Variants in POLE observed in about 807,000 individuals in gnomAD.
The protein encoded by POLE is DNA polymerase epsilon catalytic subunit A.
POLE carries 188 observed loss-of-function variants against 279.2 expected under a neutral mutation model. The observed-to-expected ratio is 0.67, with a 90% CI of 0.60 to 0.76. POLE has a LOEUF of 0.76. POLE is among the 30% of genes least tolerant of loss of function. The pLI is 0.00. For synonymous variants in POLE, 1,214 were observed against 1,172.5 expected (o/e 1.04, Z -0.72); for missense variants, 2,703 against 3,016.7 (o/e 0.90, Z 2.44).
At chr12:132,676,452 A>T (rs2043053345) in intron 9 of POLE, 94 bp downstream of exon 9, 1 of 863,418 alleles carries the variant, frequency 1.2e-6, no homozygotes, top group African/African-American at 1.7e-5. Flanking sequence ...TATTCACTCA[A>T]CAAATACTAA....
rs878854885 is a variant in POLE at position 132,634,359 on chromosome 12, CCT to C, written c.5829_5830del (p.Gly1945SerfsTer4). The C allele has an allele frequency of 1.9e-6, 3 of 1,613,548 alleles. No homozygotes were observed. The highest frequency in any genetic ancestry group is 2.2e-5 in the East Asian group (1 of 44,864). ...ATTTTCCTGCTCATCCTCTGCTCCC[CCT>C]GCTTTCTGGGAGTCTTGCTGTAACA... On this transcript the variant is annotated frameshift_variant, in exon 43 of 49. Transcript: ENST00000320574. LOFTEE classifies it high-confidence loss of function. The surrounding 1 kb of genome is among the most constrained non-coding windows in gnomAD (Gnocchi z 4.0).
rs1555301216 is a variant in POLE, at chr12:132,626,207, G to A, written c.6441C>T (p.Pro2147=). ...EFSEEAQFRD[P]CRSYVLPEVI... The stretch of plus-strand genomic sequence containing the variant: ...CCTCAGGAAGCACGTAGGAGCGGCA[G>A]GGGTCTCGGAACTGGGCCTCCTCGG... The change falls in exon 46 of 49, where the codon CCC becomes CCT. Residue 2147 remains proline, a synonymous_variant. Transcript: ENST00000320574. 6.2e-7 allele frequency: 1 copy of A among 1,613,850 alleles called. No individual in the cohort carries two copies. The highest frequency in any genetic ancestry group is 8.5e-7 in the Non-Finnish European group (1 of 1,179,990).
In POLE at chr12:132,642,635, A is replaced by G. The variant is rs1255478620; in HGVS notation, c.4823T>C (p.Leu1608Pro). 1 of 1,613,292 alleles carries G rather than the reference A, an allele frequency of 6.2e-7. No individual in the cohort carries two copies. Among genetic ancestry groups the G allele is most frequent in the African/African-American group, 1.3e-5 (1 of 74,942 alleles). Residue 1608 changes from leucine to proline, a missense_variant, in exon 37 of 49, where the codon CTG (leucine) becomes CCG (proline). This residue lies in a region of POLE where 1,551 missense variants were observed against 1,686.1 expected (regional missense o/e 0.92). Coordinates refer to ENST00000320574, the MANE Select transcript of POLE (RefSeq NM_006231.4). ...SEIPVLEEFP[L>P]VPICVADKIN... ...CTTGTCAGCCACACAGATAGGCACC[A>G]GTGGGAATTCCTCCAAGACAGGAAT...
In POLE at chr12:132,648,989, G is replaced by A. The variant is rs986065770; in HGVS notation, c.4089C>T (p.Pro1363=). 1 of 1,614,100 alleles carries A rather than the reference G, an allele frequency of 6.2e-7. No homozygotes were observed. The highest frequency in any genetic ancestry group is 2.2e-5 in the East Asian group (1 of 44,888). The change falls in exon 32 of 49, where the codon CCC becomes CCT. Residue 1363 remains proline, a synonymous_variant. Transcript: ENST00000320574. ...CTCGCTGGTTCACGTAGAACACACG[G>A]GGGATGCTCAGCCTGATGCAGTGCA... ...SDLHCIRLSI[P]RVFYVNQRVA...
chr12:132,655,554 T>C (rs2042514217), intron 29 of POLE, among the ~76,000 whole-genome samples: 1 of 152,244 alleles, frequency 6.6e-6, no homozygotes, highest in African/African-American at 2.4e-5. Flanking sequence ...CTGCTCCAAC[T>C]ATCAATTGAG....
In POLE at chr12:132,673,603, A is replaced by G. The variant is rs770307250; in HGVS notation, c.1331T>C (p.Met444Thr). 1 of 1,613,494 alleles carries G rather than the reference A, an allele frequency of 6.2e-7. No homozygotes were observed. Among genetic ancestry groups the G allele is most frequent in the South Asian group, 1.1e-5 (1 of 91,090 alleles). ...YDPVELDPED[M>T]CRMATEQPQT... ...GGGCTGCTCCGTGGCCATCCGGCAC[A>G]TGTCCTCCGGGTCTAGCTCCACGGG... Residue 444 changes from methionine to threonine, a missense_variant, in exon 13 of 49, where the codon ATG (methionine) becomes ACG (threonine). By Grantham distance (81) the Met-to-Thr change is moderately conservative (BLOSUM62 -1). This residue lies in a region of POLE where 1,011 missense variants were observed against 1,111.7 expected (regional missense o/e 0.91). Transcript: ENST00000320574.
Position 132,681,311 on chromosome 12 carries a change from T to C in POLE, c.63-32A>G. 3 of 1,602,772 alleles carry C rather than the reference T, an allele frequency of 1.9e-6. No individual in the cohort carries two copies. The Admixed American group carries it at 5.2e-5, about 28-fold the overall frequency. ...GAAAGAAGGGAACCCCGTGCTTAATTTGTAATGCCACCTGCTGCTGCTTCT... is the reference window on the plus strand; with the variant it reads ...GAAAGAAGGGAACCCCGTGCTTAATCTGTAATGCCACCTGCTGCTGCTTCT... On this transcript the variant is annotated intron_variant, in intron 1 of 48. Coordinates refer to ENST00000320574, the MANE Select transcript of POLE (RefSeq NM_006231.4).
chr12:132,628,965 G>A (rs1280347812), intron 45 of POLE, among the ~76,000 whole-genome samples: 1 of 152,234 alleles, frequency 6.6e-6, no homozygotes, highest in Non-Finnish European at 1.5e-5. Flanking sequence ...CCAGAATGGT[G>A]AATCCTTTCT....
At chr12:132,653,134 C>T (rs77900972) in intron 29 of POLE, among the ~76,000 whole-genome samples, 4,551 of 152,232 alleles carry the variant, frequency 0.03, 230 homozygotes, top group African/African-American at 0.1. Context: ...AATCCCAGTG[C>T]TTTGGGGGGG....
At position 132,668,822 on chromosome 12, in the gene POLE, T is replaced by C; in HGVS notation, c.1912A>G (p.Asn638Asp). Residue 638 changes from asparagine to aspartate, a missense_variant, in exon 17 of 49, where the codon AAC becomes GAC. Physicochemically the swap from Asn to Asp is conservative, Grantham distance 23 (BLOSUM62 1). This residue lies in a region of POLE where 1,011 missense variants were observed against 1,111.7 expected (regional missense o/e 0.91). Coordinates refer to ENST00000320574, the MANE Select transcript of POLE (RefSeq NM_006231.4). This position sits in a 1 kb window ranked among gnomAD's most constrained non-coding sequence, Gnocchi z 4.0. ...GAMYPNIILT[N>D]RLQPSAMVDE... Reference sequence around the variant, plus strand: ...AAGTAAAGTCTCACCTGCAGGCGGTTGGTCAGGATGATGTTGGGGTACATG... The same window carrying C: ...AAGTAAAGTCTCACCTGCAGGCGGTCGGTCAGGATGATGTTGGGGTACATG... 6.2e-7 allele frequency: 1 copy of C among 1,614,110 alleles called. No individual in the cohort carries two copies.
chr12:132,674,664 T>C (rs1232697621), intron 12 of POLE, among the ~76,000 whole-genome samples: 1 of 152,122 alleles, frequency 6.6e-6, no homozygotes, highest in East Asian at 1.9e-4. Flanking sequence ...ATCAGGACTG[T>C]CACACCGTCA....
chr12:132,666,485 G>A (rs959400516), intron 20 of POLE, among the ~76,000 whole-genome samples: 7 of 152,246 alleles, frequency 4.6e-5, no homozygotes, highest in Non-Finnish European at 7.3e-5. Context: ...GGGAGGCTGA[G>A]GCGGGAGGAT....
intron 20 of POLE, among the ~76,000 whole-genome samples, chr12:132,666,768 C>T (rs1046671018): frequency 7.2e-5 from 11 of 152,040 alleles, no homozygotes; most frequent in African/African-American, 2.7e-4. Flanking sequence ...TTTCAGAAGG[C>T]GAAGAATTCT....
In POLE at chr12:132,632,372, G is replaced by A. The variant is rs767769851; in HGVS notation, c.6273C>T (p.Pro2091=). The change falls in exon 45 of 49, where the codon CCC becomes CCT. Residue 2091 remains proline, a synonymous_variant. Transcript: ENST00000320574. ...GGTTATTGAGCAGCAAGTGGGAACC[G>A]GGGAGGACAGGAAACATCTCTGAGA... The part of the protein sequence containing the change: ...TELSEMFPVL[P]GSHLLLNNPA... 1.2e-5 allele frequency: 20 copies of A among 1,613,944 alleles called. No individual in the cohort carries two copies. The highest frequency in any genetic ancestry group is 4.5e-5 in the East Asian group (2 of 44,888).
chr12:132,685,952 C>T (rs2043251265), intron 1 of POLE, among the ~76,000 whole-genome samples: 2 of 150,794 alleles, frequency 1.3e-5, no homozygotes, highest in East Asian at 2.0e-4. Flanking sequence ...CTCGGTTCAC[C>T]GCAACCTCCG....
intron 16 of POLE, among the ~76,000 whole-genome samples, chr12:132,671,678 GAA>G (rs59237637): frequency 0.036 from 2,624 of 72,710 alleles, 67 homozygotes; most frequent in African/African-American, 0.13. Context: ...CTCAAAAAGG[GAA>G]AAAAAAAAAA....
chr12:132,666,195 A>C (rs2042793545), intron 20 of POLE, among the ~76,000 whole-genome samples: 1 of 152,264 alleles, frequency 6.6e-6, no homozygotes. Flanking sequence ...CGGTGTATGA[A>C]GGATAGACAA....
At chr12:132,657,006 T>G in intron 29 of POLE, 130 bp downstream of exon 29, 1 of 987,710 alleles carries the variant, frequency 1.0e-6, no homozygotes. Flanking sequence ...AATGGGCACA[T>G]TTTCAGAAAA....
intron 20 of POLE, 44 bp downstream of exon 20, chr12:132,667,459 A>T (rs1248604268): frequency 1.2e-6 from 2 of 1,601,540 alleles, no homozygotes; most frequent in Non-Finnish European, 1.7e-6. Context: ...GCCGACTGAA[A>T]CTGCCCTCAC....
Sources: allele counts gnomAD v4.1 joint callset (sites outside exome capture counted in the v4.1 genomes callset), GRCh38; gene constraint gnomAD v4.1.1; regional missense constraint gnomAD v4.1.1; non-coding constraint Gnocchi (gnomAD v3.1); transcripts MANE v1.5; gene names NCBI Gene and HGNC (gene_info 2026-07-23, HGNC 2026-07-21).